The following EPHA6 variants were observed in gnomAD, a reference collection of about 807,000 sequenced individuals.
EPHA6 encodes the protein EPH receptor A6, also known as ephrin type-A receptor 6.
In EPHA6, 50 loss-of-function variants were observed where a neutral mutation model predicts 112.0. That is an observed-to-expected ratio of 0.45 (90% CI 0.36 to 0.56). The LOEUF is 0.56. Among genes scored for constraint, EPHA6 ranks in the 20% least tolerant of loss-of-function variants. The pLI, the probability that EPHA6 is intolerant of heterozygous loss-of-function variation, is 0.00. For synonymous variants in EPHA6, 529 were observed against 490.7 expected (o/e 1.08, Z -1.03); for missense variants, 1,280 against 1,417.4 (o/e 0.90, Z 1.56).
intron 3 of EPHA6, among the ~76,000 whole-genome samples, chr3:97,075,931 C>A (rs917487199): frequency 6.6e-6 from 1 of 151,950 alleles, no homozygotes; most frequent in South Asian, 2.1e-4. Context: ...TAAACTTAAT[C>A]CATAACCGTT....
rs527568874 is a variant in EPHA6, at chr3:97,351,535, G to A, written c.1607-53615G>A. Among the ~76,000 whole-genome samples, 20 of 152,176 alleles carry A rather than the reference G, an allele frequency of 1.3e-4. No homozygotes were observed. In the East Asian group the frequency reaches 2.3e-3, roughly 18 times the overall value. On this transcript the variant is annotated intron_variant, in intron 5 of 17. Coordinates refer to ENST00000389672, the MANE Select transcript of EPHA6 (RefSeq NM_001080448.3). ...CATATTCAATTTTTGTATGTTGTAC[G>A]GCGAGGGAAATTATTAATAGGAACA...
At chr3:97,469,772 A>C (rs1334696428) in intron 7 of EPHA6, among the ~76,000 whole-genome samples, 1 of 151,682 alleles carries the variant, frequency 6.6e-6, no homozygotes, top group Non-Finnish European at 1.5e-5. Flanking sequence ...TCAATATTTT[A>C]AAATGTTATT....
chr3:97,605,639 T>G (rs2107435798), intron 12 of EPHA6, among the ~76,000 whole-genome samples: 1 of 151,898 alleles, frequency 6.6e-6, no homozygotes, highest in Admixed American at 6.6e-5. Context: ...CCTGCTGTTT[T>G]GGTTACTGTT....
chr3:97,507,865 G>C (rs557110687), intron 10 of EPHA6, among the ~76,000 whole-genome samples: 2 of 151,898 alleles, frequency 1.3e-5, no homozygotes, highest in Non-Finnish European at 2.9e-5. Context: ...TCAGGGATTC[G>C]ACTTCTTCCT....
At chr3:97,248,605 T>C (rs2079046754) in intron 5 of EPHA6, among the ~76,000 whole-genome samples, 1 of 152,084 alleles carries the variant, frequency 6.6e-6, no homozygotes, top group African/African-American at 2.4e-5. Context: ...GCAATTCTTG[T>C]CAGAAGCAAG....
chr3:97,570,297 G>A (rs911566394), intron 11 of EPHA6, among the ~76,000 whole-genome samples: 1 of 152,226 alleles, frequency 6.6e-6, no homozygotes, highest in African/African-American at 2.4e-5. Flanking sequence ...CTAGAAGACA[G>A]TATGGAAGGC....
chr3:97,435,539 C>T (rs575370586), intron 6 of EPHA6, among the ~76,000 whole-genome samples: 1 of 152,068 alleles, frequency 6.6e-6, no homozygotes, highest in Non-Finnish European at 1.5e-5. Flanking sequence ...TTACAACAAT[C>T]AATATATACA....
chr3:96,897,344 A>G (rs984796837), intron 2 of EPHA6, among the ~76,000 whole-genome samples: 1 of 152,012 alleles, frequency 6.6e-6, no homozygotes, highest in Non-Finnish European at 1.5e-5. Flanking sequence ...TTTCTTATTT[A>G]TTTGCAAGCA....
At chr3:97,085,045 ATAT>A (rs1305413220) in intron 3 of EPHA6, among the ~76,000 whole-genome samples, 1 of 152,176 alleles carries the variant, frequency 6.6e-6, no homozygotes, top group Non-Finnish European at 1.5e-5. Flanking sequence ...TACCATTAAA[ATAT>A]TTTAAGATCA....
At chr3:97,009,111 AT>A (rs1374887721) in intron 3 of EPHA6, among the ~76,000 whole-genome samples, 1 of 152,078 alleles carries the variant, frequency 6.6e-6, no homozygotes, top group Non-Finnish European at 1.5e-5. Context: ...AGCAGGACTC[AT>A]TTAGTGAAGC....
At chr3:97,569,137 G>A (rs949299630) in intron 11 of EPHA6, among the ~76,000 whole-genome samples, 3 of 152,070 alleles carry the variant, frequency 2.0e-5, no homozygotes, top group African/African-American at 7.2e-5. Context: ...CTAAAGTTCT[G>A]GTCAAATGAG....
rs558152023 is a variant in EPHA6, at chr3:97,646,120, G to A, written c.2784+8038G>A. ...ATTAAAATGACTTTGCCAATTCAGAGACCCACAAATCACAACAAAGAGCAA... is the reference window on the plus strand; with the variant it reads ...ATTAAAATGACTTTGCCAATTCAGAAACCCACAAATCACAACAAAGAGCAA... On this transcript the variant is annotated intron_variant, in intron 14 of 17. Transcript: ENST00000389672. 2.2e-4 allele frequency: 329 copies of A among 1,522,850 alleles called. 1 individual carries two copies. The African/African-American group carries it at 4.0e-3, about 19-fold the overall frequency. 94.3% of individuals were successfully genotyped at this position (1,522,850 alleles called of 1,614,324 possible). A position where few individuals can be genotyped will look rare whatever the true frequency, so the allele number is the denominator to read the frequency against.
chr3:96,928,820 T>C (rs1576065501), intron 2 of EPHA6, among the ~76,000 whole-genome samples: 1 of 152,318 alleles, frequency 6.6e-6, no homozygotes, highest in East Asian at 1.9e-4. Context: ...GGTGCATATA[T>C]ATTTAGAATA....
At chr3:97,336,923 T>C (rs1163439624) in intron 5 of EPHA6, among the ~76,000 whole-genome samples, 1 of 151,502 alleles carries the variant, frequency 6.6e-6, no homozygotes, top group Non-Finnish European at 1.5e-5. Flanking sequence ...TCCCAGATTA[T>C]CTGGGATGCC....
intron 3 of EPHA6, among the ~76,000 whole-genome samples, chr3:97,080,783 A>ATACATAT (rs1328274712): frequency 2.6e-5 from 4 of 152,062 alleles, no homozygotes; most frequent in African/African-American, 9.7e-5. Flanking sequence ...TAAAGATAAC[A>ATACATAT]TACATATTGA....
At chr3:97,211,647 A>T (rs2077879470) in intron 3 of EPHA6, among the ~76,000 whole-genome samples, 1 of 152,144 alleles carries the variant, frequency 6.6e-6, no homozygotes, top group Non-Finnish European at 1.5e-5. Flanking sequence ...CTCATGAGCT[A>T]ATCACTTCCC....
chr3:97,325,719 T>G (rs1398515617), intron 5 of EPHA6, among the ~76,000 whole-genome samples: 1 of 152,190 alleles, frequency 6.6e-6, no homozygotes, highest in Admixed American at 6.6e-5. Context: ...CATCTACTTT[T>G]GTTAACGAAT....
At chr3:97,279,610 C>T (rs906212936) in intron 5 of EPHA6, among the ~76,000 whole-genome samples, 8 of 151,846 alleles carry the variant, frequency 5.3e-5, no homozygotes, top group African/African-American at 1.9e-4. Context: ...TTACACAATA[C>T]ATCATAGGCA....
At chr3:97,029,725 T>A (rs1211904043) in intron 3 of EPHA6, among the ~76,000 whole-genome samples, 8 of 152,144 alleles carry the variant, frequency 5.3e-5, no homozygotes, top group Non-Finnish European at 4.4e-5. Context: ...TTTGCAGCAA[T>A]CATATCTCAT....
Sources: allele counts gnomAD v4.1 joint callset (sites outside exome capture counted in the v4.1 genomes callset), GRCh38; gene constraint gnomAD v4.1.1; transcripts MANE v1.5; gene names NCBI Gene and HGNC (gene_info 2026-07-23, HGNC 2026-07-21).